The following ST14 variants were observed in gnomAD, a reference collection of about 807,000 sequenced individuals.
ST14 encodes suppressor of tumorigenicity 14 protein.
A neutral mutation model predicts 96.5 loss-of-function variants in ST14; 40 were observed. The observed-to-expected ratio is 0.41, with a 90% CI of 0.32 to 0.54. The LOEUF is 0.54. ST14 is among the 20% of genes least tolerant of loss of function. ST14 has a pLI of 0.17. For synonymous variants in ST14, 506 were observed against 492.1 expected, an observed-to-expected ratio of 1.03 and a Z score of -0.37; for missense variants, 1,066 against 1,188.9, an observed-to-expected ratio of 0.90 and a Z score of 1.52.
intron 11 of ST14, chr11:130,196,911 CCTT>C: frequency 1.5e-6 from 1 of 689,208 alleles, no homozygotes. Flanking sequence ...CACACTGTGT[CCTT>C]CTGGGTTGCA....
In ST14 at chr11:130,209,875, C is replaced by CCAGTGTG. The variant is rs1355044705; in HGVS notation, c.*55_*61dup. On this transcript the variant is annotated 3_prime_UTR_variant, in exon 19 of 19. Transcript: ENST00000278742. ...CCTGCGGGGCCACCCATCGTCCACC[C>CCAGTGTG]CAGTGTGCACGCCTGCAGGCTGGAG... The CCAGTGTG allele has an allele frequency of 3.7e-6, 6 of 1,602,318 alleles. No individual in the cohort carries two copies. The highest frequency in any genetic ancestry group is 5.1e-6 in the Non-Finnish European group (6 of 1,176,628).
At chr11:130,164,099 T>A (rs1241339343) in intron 1 of ST14, among the ~76,000 whole-genome samples, 1 of 152,222 alleles carries the variant, frequency 6.6e-6, no homozygotes, top group Non-Finnish European at 1.5e-5. Flanking sequence ...TGGTGGCTCA[T>A]GTCTCTTTTA....
intron 1 of ST14, among the ~76,000 whole-genome samples, chr11:130,173,092 A>C (rs1051053270): frequency 1.3e-5 from 2 of 152,168 alleles, no homozygotes; most frequent in Admixed American, 6.5e-5. Context: ...TCTGTGCCTC[A>C]GTTTTCCCCC....
At chr11:130,190,715 G>T in intron 7 of ST14, 21 bp downstream of exon 7, 1 of 1,555,448 alleles carries the variant, frequency 6.4e-7, no homozygotes. Flanking sequence ...CGGGGGGCGG[G>T]TAGGGCTGTG....
intron 12 of ST14, 81 bp downstream of exon 12, chr11:130,198,026 C>A: frequency 7.0e-7 from 1 of 1,428,460 alleles, no homozygotes; most frequent in Middle Eastern, 1.8e-4. Context: ...GGCTGACTGC[C>A]GAGGCAGAAA....
intron 12 of ST14, 36 bp from the exon 13 acceptor site, chr11:130,198,272 G>C: frequency 6.3e-7 from 1 of 1,578,344 alleles, no homozygotes; most frequent in Non-Finnish European, 8.7e-7. Flanking sequence ...TGAGTGATGA[G>C]GGCCTCACGG....
At position 130,159,867 on chromosome 11, in the gene ST14, G is replaced by GT. The variant is rs1952984985; in HGVS notation, c.-113_-112insT. 1 of 469,530 alleles carries GT rather than the reference G, an allele frequency of 2.1e-6. No homozygotes were observed. The highest frequency in any genetic ancestry group is 2.1e-5 in the African/African-American group (1 of 48,126). 29.1% of individuals were successfully genotyped at this position (469,530 alleles called of 1,614,324 possible). A position where few individuals can be genotyped will look rare whatever the true frequency, so the allele number is the denominator to read the frequency against. On this transcript the variant is annotated 5_prime_UTR_variant, in exon 1 of 19. Coordinates refer to ENST00000278742, the MANE Select transcript of ST14 (RefSeq NM_021978.4). ...GGCACCGCCGCCGGTCGGGCGCGCT[G>GT]GGCCTGCCCGGAATCCCGCCGCCTG...
At chr11:130,201,839 A>T (rs1204915608) in intron 16 of ST14, among the ~76,000 whole-genome samples, 1 of 152,212 alleles carries the variant, frequency 6.6e-6, no homozygotes, top group African/African-American at 2.4e-5. Context: ...TGGCCTCCCA[A>T]AGTGCTGGCA....
Position 130,159,912 on chromosome 11 carries a change from T to C in ST14, c.-68T>C. ...CGCCTGCGCCCCGCGCCCCGCGCCC[T>C]GCGGGCCATGGGAGCCGGCCGCCGG... On this transcript the variant is annotated 5_prime_UTR_variant, in exon 1 of 19. Coordinates refer to ENST00000278742, the MANE Select transcript of ST14 (RefSeq NM_021978.4). 9.7e-7 allele frequency: 1 copy of C among 1,027,716 alleles called. No homozygotes were observed. 63.7% of individuals were successfully genotyped at this position (1,027,716 alleles called of 1,614,324 possible).
At chr11:130,204,121 G>A (rs73038968) in intron 16 of ST14, among the ~76,000 whole-genome samples, 346 of 152,272 alleles carry the variant, frequency 2.3e-3, no homozygotes, top group Non-Finnish European at 3.7e-3. Flanking sequence ...TTCTTGTCAC[G>A]CTGTAATTGG....
intron 1 of ST14, among the ~76,000 whole-genome samples, chr11:130,161,752 G>T (rs1405172266): frequency 6.6e-6 from 1 of 152,152 alleles, no homozygotes; most frequent in Non-Finnish European, 1.5e-5. Context: ...CTTGCTCTTT[G>T]TCTTTTCTCC....
chr11:130,174,272 C>T (rs890649321), intron 1 of ST14, among the ~76,000 whole-genome samples: 2 of 152,168 alleles, frequency 1.3e-5, no homozygotes, highest in Admixed American at 6.5e-5. Flanking sequence ...CAAATACACT[C>T]ATTATTTTTG....
chr11:130,203,439 C>T (rs1286554376), intron 16 of ST14, among the ~76,000 whole-genome samples: 2 of 152,216 alleles, frequency 1.3e-5, no homozygotes, highest in Non-Finnish European at 2.9e-5. Context: ...CTCTGGTCTG[C>T]ACCACTCGAG....
intron 4 of ST14, among the ~76,000 whole-genome samples, chr11:130,189,148 A>G (rs894671017): frequency 4.6e-5 from 7 of 152,190 alleles, no homozygotes; most frequent in African/African-American, 1.7e-4. Flanking sequence ...TGTTGCTGTG[A>G]TGAGCTGCCC....
intron 1 of ST14, among the ~76,000 whole-genome samples, chr11:130,162,907 C>T (rs1170030546): frequency 2.0e-5 from 3 of 152,168 alleles, no homozygotes; most frequent in Non-Finnish European, 4.4e-5. Flanking sequence ...CCCGGGGCCG[C>T]CTTGTCTAGC....
chr11:130,209,920 C>A lies in ST14; in HGVS notation c.*97C>A. The A allele has an allele frequency of 2.8e-6, 4 of 1,440,480 alleles. No individual in the cohort carries two copies. The highest frequency in any genetic ancestry group is 3.8e-6 in the Non-Finnish European group (4 of 1,048,968). The allele number at this position is 1,440,480 out of a possible 1,614,324, so 89.2% of individuals were successfully genotyped here. ...CTGGAGACTGGACCGCTGACTGCAC[C>A]AGCGCCCCCAGAACATACACTGTGA... On this transcript the variant is annotated 3_prime_UTR_variant, in exon 19 of 19. Transcript: ENST00000278742.
At chr11:130,175,752 C>T (rs1193996203) in intron 1 of ST14, among the ~76,000 whole-genome samples, 2 of 151,724 alleles carry the variant, frequency 1.3e-5, no homozygotes, top group Non-Finnish European at 2.9e-5. Context: ...CAACCTCCAC[C>T]CCCTGGGTTC....
Position 130,189,726 on chromosome 11 carries a change from G to GCT in ST14, c.441-7_441-6dup. 1 of 1,609,830 alleles carries GCT rather than the reference G, an allele frequency of 6.2e-7. No individual in the cohort carries two copies. The highest frequency in any genetic ancestry group is 8.5e-7 in the Non-Finnish European group (1 of 1,179,744). The stretch of plus-strand genomic sequence containing the variant: ...GCCCAGAGCTCCGCCTCAGGCTCCC[G>GCT]CTCTCTCCCCAGCGAGGGCAGCGTC... On this transcript the variant is annotated splice_polypyrimidine_tract_variant and intron_variant, in intron 4 of 18. Coordinates refer to ENST00000278742, the MANE Select transcript of ST14 (RefSeq NM_021978.4).
intron 16 of ST14, among the ~76,000 whole-genome samples, chr11:130,200,488 A>G (rs750961950): frequency 6.6e-6 from 1 of 152,102 alleles, no homozygotes; most frequent in Non-Finnish European, 1.5e-5. Context: ...TTAAGCAGCC[A>G]GCCTCGTGTG....
Sources: gnomAD v4.1 joint callset for allele counts (sites outside exome capture counted in the v4.1 genomes callset) on GRCh38, gnomAD v4.1.1 for gene constraint, MANE v1.5 for transcripts, NCBI Gene and HGNC (gene_info 2026-07-23, HGNC 2026-07-21) for gene names.